The following ZNF746 variants were observed in gnomAD, a reference collection of about 807,000 sequenced individuals.
ZNF746 encodes the protein zinc finger protein 746.
A neutral mutation model predicts 41.0 loss-of-function variants in ZNF746; 13 were observed. The ratio of observed to expected loss-of-function variants is 0.32; its 90% CI spans 0.21 to 0.50. The LOEUF (loss-of-function observed/expected upper bound fraction) is 0.50. Among genes scored for constraint, ZNF746 ranks in the 20% least tolerant of loss-of-function variants. The pLI is 0.98. For synonymous variants in ZNF746, 424 were observed against 396.2 expected, an observed-to-expected ratio of 1.07 and a Z score of -0.83; for missense variants, 811 against 922.9, an observed-to-expected ratio of 0.88 and a Z score of 1.57.
Position 149,497,684 on chromosome 7 carries a change from G to T in ZNF746, c.-148C>A. ...GCCGCTCCTCGCTGGCTGCCCCTGC[G>T]CCGCGCCGCCCGCAGTCGCGCCGCC... is the stretch of plus-strand genomic sequence containing the variant. On this transcript the variant is annotated 5_prime_UTR_variant, in exon 1 of 7. Coordinates refer to ENST00000458143, the MANE Select transcript of ZNF746 (RefSeq NM_001394198.1). This position sits in a 1 kb window ranked among gnomAD's most constrained non-coding sequence, Gnocchi z 4.2. 1 of 523,630 alleles carries T rather than the reference G, an allele frequency of 1.9e-6. No individual in the cohort carries two copies. Among genetic ancestry groups the T allele is most frequent in the Non-Finnish European group, 2.5e-6 (1 of 405,986 alleles). 32.4% of individuals were successfully genotyped at this position (523,630 alleles called of 1,614,324 possible).
In ZNF746 at chr7:149,472,796, G is replaced by A. The variant is rs1238108909; in HGVS notation, c.*1588C>T. Reference sequence around the variant, plus strand: ...GGAATGGAACCCAACAAACTGCCTTGGTGCTGGTTAGGTTTTATTTTAACA... The same window carrying A: ...GGAATGGAACCCAACAAACTGCCTTAGTGCTGGTTAGGTTTTATTTTAACA... On this transcript the variant is annotated 3_prime_UTR_variant, in exon 7 of 7. Coordinates refer to ENST00000458143, the MANE Select transcript of ZNF746 (RefSeq NM_001394198.1). 1 of 152,538 alleles carries A rather than the reference G, an allele frequency of 6.6e-6. No homozygotes were observed. Among genetic ancestry groups the A allele is most frequent in the Admixed American group, 6.5e-5 (1 of 15,278 alleles). The allele number at this position is 152,538 out of a possible 1,614,324, so 9.4% of individuals were successfully genotyped here.
intron 4 of ZNF746, among the ~76,000 whole-genome samples, chr7:149,480,901 A>G (rs1349113082): frequency 2.0e-5 from 3 of 152,236 alleles, no homozygotes; most frequent in Non-Finnish European, 2.9e-5. Flanking sequence ...GGATAATATG[A>G]AAAAGTTCCA....
chr7:149,497,560 C>T lies in ZNF746; in HGVS notation c.-24G>A. On this transcript the variant is annotated 5_prime_UTR_variant, in exon 1 of 7. Coordinates refer to ENST00000458143, the MANE Select transcript of ZNF746 (RefSeq NM_001394198.1). This position sits in a 1 kb window ranked among gnomAD's most constrained non-coding sequence, Gnocchi z 4.2. The stretch of plus-strand genomic sequence containing the variant: ...ATGGCCCTGCGCTGTCCCGCCCGGC[C>T]CGGAGGAAGTCGTCGTCGCCGCCGC... 6 of 1,060,646 alleles carry T rather than the reference C, an allele frequency of 5.7e-6. No individual in the cohort carries two copies. The highest frequency in any genetic ancestry group is 6.8e-6 in the Non-Finnish European group (6 of 881,978). 65.7% of individuals were successfully genotyped at this position (1,060,646 alleles called of 1,614,324 possible).
At chr7:149,478,654 A>ATC (rs1312889771) in intron 4 of ZNF746, among the ~76,000 whole-genome samples, 2 of 152,160 alleles carry the variant, frequency 1.3e-5, no homozygotes, top group East Asian at 3.8e-4. Flanking sequence ...AACTTACAAA[A>ATC]CAGAAGAGGT....
rs770468837 is a variant in ZNF746, at chr7:149,474,720, G to T, written c.1647C>A (p.Thr549=). ...AHLIRHRMLH[T]GERPFPCTEC... is the part of the protein sequence containing the mutation. Reference sequence around the variant, plus strand: ...CGGTGCAGGGGAAGGGCCGCTCGCCGGTGTGCAGCATGCGATGGCGGATGA... The same window carrying T: ...CGGTGCAGGGGAAGGGCCGCTCGCCTGTGTGCAGCATGCGATGGCGGATGA... Residue 549 remains threonine (T), a synonymous_variant, in exon 7 of 7, where the codon ACC becomes ACA. Transcript: ENST00000458143. This position sits in a 1 kb window ranked among gnomAD's most constrained non-coding sequence, Gnocchi z 6.3. 1.2e-6 allele frequency: 2 copies of T among 1,611,468 alleles called. No homozygotes were observed. Among genetic ancestry groups the T allele is most frequent in the South Asian group, 2.2e-5 (2 of 90,910 alleles).
At chr7:149,488,885 T>C (rs957034504) in intron 4 of ZNF746, 9 of 152,226 alleles carry the variant, frequency 5.9e-5, no homozygotes, top group Non-Finnish European at 1.0e-4. Flanking sequence ...CACTACAGTA[T>C]TGCTTGTGAG....
rs143085307 is a variant in ZNF746, at chr7:149,493,412, G to A, written c.452-440C>T. On this transcript the variant is annotated intron_variant, in intron 3 of 6. Coordinates refer to ENST00000458143, the MANE Select transcript of ZNF746 (RefSeq NM_001394198.1). ...AGGTCTCACTGCCCTCGGCTCCGGG[G>A]TCACACAGAAACCATTAGGAAGAGA... Among the ~76,000 whole-genome samples, 131 of 152,288 alleles carry A rather than the reference G, an allele frequency of 8.6e-4. 1 individual carries two copies. Among genetic ancestry groups the A allele is most frequent in the Non-Finnish European group, 3.7e-4 (25 of 68,032 alleles).
intron 5 of ZNF746, 32 bp from the exon 6 acceptor site, chr7:149,477,079 T>C (rs753178482): frequency 6.3e-7 from 1 of 1,597,882 alleles, no homozygotes; most frequent in South Asian, 1.1e-5. Context: ...GCCGGTGGGT[T>C]AGGGGACGGA....
intron 4 of ZNF746, among the ~76,000 whole-genome samples, chr7:149,478,153 A>C (rs893227269): frequency 3.5e-4 from 50 of 144,420 alleles, no homozygotes; most frequent in African/African-American, 1.2e-3. Context: ...GCAAAAGAAA[A>C]GATCCCAGAG....
At chr7:149,486,123 T>G (rs1800614269) in intron 4 of ZNF746, among the ~76,000 whole-genome samples, 2 of 152,106 alleles carry the variant, frequency 1.3e-5, no homozygotes, top group Admixed American at 1.3e-4. Context: ...CAGTAGAGGA[T>G]GTAATGTTCA....
chr7:149,494,595 G>A lies in ZNF746; in HGVS notation c.25-92C>T. 1.3e-6 allele frequency: 2 copies of A among 1,499,302 alleles called. No homozygotes were observed. Among genetic ancestry groups the A allele is most frequent in the Non-Finnish European group, 1.8e-6 (2 of 1,095,492 alleles). The allele number at this position is 1,499,302 out of a possible 1,614,324, so 92.9% of individuals were successfully genotyped here. A position where few individuals can be genotyped will look rare whatever the true frequency, so the allele number is the denominator to read the frequency against. ...CCCTAGGCACGGGGGAGTTGGGCTG[G>A]GAGTCCATATGTGTGGACAAGTGGG... On this transcript the variant is annotated intron_variant, in intron 1 of 6. Coordinates refer to ENST00000458143, the MANE Select transcript of ZNF746 (RefSeq NM_001394198.1). The surrounding 1 kb of genome is among the most constrained non-coding windows in gnomAD (Gnocchi z 5.6).
chr7:149,487,480 C>G (rs1014091598), intron 4 of ZNF746: 2 of 152,092 alleles, frequency 1.3e-5, no homozygotes, highest in Non-Finnish European at 2.9e-5. Context: ...TGCTATTCAA[C>G]GATGTCCTAG....
intron 4 of ZNF746, among the ~76,000 whole-genome samples, chr7:149,478,215 A>G (rs894387405): frequency 3.3e-5 from 5 of 152,056 alleles, no homozygotes; most frequent in Non-Finnish European, 7.4e-5. Context: ...AGTGGAAGGC[A>G]AGTGACCTAG....
chr7:149,496,666 T>C (rs1801006444), intron 1 of ZNF746, among the ~76,000 whole-genome samples: 1 of 152,144 alleles, frequency 6.6e-6, no homozygotes, highest in Admixed American at 6.5e-5. Context: ...CCTGAAATCC[T>C]AGCCTTCCCT....
chr7:149,492,088 C>G (rs1474524855), intron 4 of ZNF746: 1 of 682,950 alleles, frequency 1.5e-6, no homozygotes. Flanking sequence ...GCAAGGCTGA[C>G]TCTTTGCAAA....
Position 149,474,576 on chromosome 7 carries a change from G to A in ZNF746, c.1791C>T (p.Leu597=), listed in dbSNP as rs1478389793. The change falls in exon 7 of 7, where the codon CTC becomes CTT. Residue 597 remains leucine, a synonymous_variant. Transcript: ENST00000458143. The surrounding 1 kb of genome is among the most constrained non-coding windows in gnomAD (Gnocchi z 6.3). ...CTGCATGGTTGCGCTGGTGCTTGCGGAGGTGGTCCTTGCGGATGAAGCTTT... is the reference window on the plus strand; with the variant it reads ...CTGCATGGTTGCGCTGGTGCTTGCGAAGGTGGTCCTTGCGGATGAAGCTTT... ...CGKSFIRKDH[L]RKHQRNHAAG... 3.1e-6 allele frequency: 5 copies of A among 1,611,986 alleles called. No individual in the cohort carries two copies. In the Admixed American group the frequency reaches 6.7e-5, roughly 22 times the overall value.
chr7:149,491,796 G>A (rs1334289710), intron 4 of ZNF746: 11 of 688,038 alleles, frequency 1.6e-5, no homozygotes, highest in East Asian at 2.7e-5. Context: ...GTCTTCTGGA[G>A]GAATCAGGGG....
intron 4 of ZNF746, chr7:149,491,539 T>C (rs115451368): frequency 0.01 from 3,074 of 303,376 alleles, 147 homozygotes; most frequent in Admixed American, 0.086. Flanking sequence ...CCTTGACGCC[T>C]AGAAGATTCT....
chr7:149,482,467 GT>G (rs35195599), intron 4 of ZNF746, among the ~76,000 whole-genome samples: 28 of 144,680 alleles, frequency 1.9e-4, no homozygotes, highest in Non-Finnish European at 2.0e-4. Context: ...TAATTCTAAG[GT>G]TTTTTTTTTT....
Sources: allele counts gnomAD v4.1 joint callset (sites outside exome capture counted in the v4.1 genomes callset), GRCh38; gene constraint gnomAD v4.1.1; non-coding constraint Gnocchi (gnomAD v3.1); transcripts MANE v1.5; gene names NCBI Gene and HGNC (gene_info 2026-07-23, HGNC 2026-07-21).